ITIH6: variants seen among roughly 807,000 people sequenced by gnomAD.
The protein encoded by ITIH6 is inter-alpha-trypsin inhibitor heavy chain family member 6, also known as inter-alpha-trypsin inhibitor heavy chain H6.
A neutral mutation model predicts 58.2 loss-of-function variants in ITIH6; 60 were observed. The observed-to-expected ratio is 1.03, with a 90% CI of 0.84 to 1.28. The LOEUF (loss-of-function observed/expected upper bound fraction) is 1.28. Ranked by LOEUF, ITIH6 falls within the 50% of genes most tolerant of loss-of-function variation. ITIH6 has a pLI of 0.00. For missense variants in ITIH6, 1,290 were observed against 1,021.1 expected (o/e 1.26, Z -3.59); for synonymous variants, 493 against 417.4 (o/e 1.18, Z -2.21).
In ITIH6 at chrX:54,791,941, G is replaced by A. The variant is rs1219113986; in HGVS notation, c.353C>T (p.Ala118Val). Residue 118 changes from alanine (A) to valine (V), a missense_variant, in exon 3 of 13, where the codon GCT becomes GTT. By Grantham distance (64) the Ala-to-Val change is moderately conservative (BLOSUM62 0). Coordinates refer to ENST00000218436, the MANE Select transcript of ITIH6 (RefSeq NM_198510.3). ...GGGGCCTTACCTGATGCCTACATGA[G>A]CAGCTGTCTTTCCCTGCTGATGGGC... is the stretch of plus-strand genomic sequence containing the variant. ...EEAHQQGKTA[A>V]HVGIRDRESE... 99 of 1,167,227 alleles carry A rather than the reference G, an allele frequency of 8.5e-5. No individual in the cohort carries two copies. The highest frequency in any genetic ancestry group is 1.1e-4 in the Non-Finnish European group (95 of 856,294).
At chrX:54,773,677 C>T (rs778860720) in intron 6 of ITIH6, among the ~76,000 whole-genome samples, 1 of 108,632 alleles carries the variant, frequency 9.2e-6, no homozygotes, top group Non-Finnish European at 1.9e-5. Context: ...GTACTCTATA[C>T]TATTAGGCCT....
intron 5 of ITIH6, among the ~76,000 whole-genome samples, chrX:54,786,476 C>G (rs1237680524): frequency 8.9e-6 from 1 of 111,838 alleles, no homozygotes; most frequent in South Asian, 3.7e-4. Context: ...GACTCTCCAG[C>G]CTTCTATGTG....
In ITIH6 at chrX:54,796,970, G is replaced by T. The variant is rs919026206; in HGVS notation, c.229C>A (p.His77Asn). The change falls in exon 2 of 13, where the codon CAT (histidine) becomes AAT (asparagine). Residue 77 changes from histidine (H) to asparagine (N), a missense_variant. Transcript: ENST00000218436. ...GTGAAATTGGAGATAAAGGCAAGATGAGGCAGATCCAGGTCAAAGATGGCT... is the reference window on the plus strand; with the variant it reads ...GTGAAATTGGAGATAAAGGCAAGATTAGGCAGATCCAGGTCAAAGATGGCT... ...HEAIFDLDLP[H>N]LAFISNFTMT... 1 of 1,209,850 alleles carries T rather than the reference G, an allele frequency of 8.3e-7. No homozygotes were observed. The highest frequency in any genetic ancestry group is 1.1e-6 in the Non-Finnish European group (1 of 894,936).
chrX:54,758,573 A>G lies in ITIH6; in HGVS notation c.1501T>C (p.Ser501Pro). The G allele has an allele frequency of 8.3e-7, 1 of 1,210,912 alleles. No individual in the cohort carries two copies. Among genetic ancestry groups the G allele is most frequent in the Non-Finnish European group, 1.1e-6 (1 of 895,095 alleles). ...ACCTGTCCTGCCACCACCAGCTCAG[A>G]GCCACCAAAGTAGTTGGGGAAAACG... ...WAVFPNYFGG[S>P]ELVVAGQVQP... Residue 501 changes from serine (S) to proline (P), a missense_variant, in exon 8 of 13, where the codon TCT (serine) becomes CCT (proline). Physicochemically the swap from Ser to Pro is moderately conservative, Grantham distance 74. Coordinates refer to ENST00000218436, the MANE Select transcript of ITIH6 (RefSeq NM_198510.3).
At chrX:54,785,541 A>G (rs1358653210) in intron 5 of ITIH6, among the ~76,000 whole-genome samples, 1 of 110,679 alleles carries the variant, frequency 9.0e-6, no homozygotes, top group Non-Finnish European at 1.9e-5. Flanking sequence ...AACAAACCCA[A>G]TGTCTGTATT....
intron 6 of ITIH6, 46 bp from the exon 7 acceptor site, chrX:54,759,973 T>C (rs374712416): frequency 1.1e-5 from 12 of 1,063,192 alleles, no homozygotes; most frequent in Non-Finnish European, 1.5e-5. Flanking sequence ...AGACTTGAGG[T>C]CTATGAGATT....
chrX:54,788,561 C>G lies in ITIH6; in HGVS notation c.705G>C (p.Ser235=). 2 of 1,209,670 alleles carry G rather than the reference C, an allele frequency of 1.7e-6. No homozygotes were observed. The highest frequency in any genetic ancestry group is 2.2e-6 in the Non-Finnish European group (2 of 894,058). ...ITYCPTLQDQ[S]SISGSGIMAD... ...CCATGATGCCTGACCCAGAGATGGA[C>G]GACTGGTCTTGCAATGTCGGGCAGT... Residue 235 remains serine, a synonymous_variant, in exon 5 of 13, where the codon TCG becomes TCC. Transcript: ENST00000218436.
chrX:54,793,191 A>G (rs1435075710), intron 2 of ITIH6, among the ~76,000 whole-genome samples: 1 of 111,641 alleles, frequency 9.0e-6, no homozygotes, highest in Non-Finnish European at 1.9e-5. Flanking sequence ...CACAATGTGC[A>G]GGTTAGTTAC....
chrX:54,791,030 C>G lies in ITIH6; in HGVS notation c.423G>C (p.Glu141Asp). Reference sequence around the variant, plus strand: ...CCTCATAGGCCAGGGAAAAAGTCACCTCTGTGCCTGCTGCCAGGCTGGTGG... The same window carrying G: ...CCTCATAGGCCAGGGAAAAAGTCACGTCTGTGCCTGCTGCCAGGCTGGTGG... ...RISTSLAAGT[E>D]VTFSLAYEEL... Residue 141 changes from glutamate (E) to aspartate (D), a missense_variant, in exon 4 of 13, where the codon GAG becomes GAC. Transcript: ENST00000218436. The G allele has an allele frequency of 6.6e-6, 8 of 1,211,649 alleles. No homozygotes were observed. The highest frequency in any genetic ancestry group is 8.9e-6 in the Non-Finnish European group (8 of 895,249).
In ITIH6 at chrX:54,749,728, G is replaced by T; in HGVS notation, c.*167C>A. ...AGTCCCTGACTCTATGTCTCTGCAT[G>T]TCTATGTGTTTGTATACCCTTGTAT... is the stretch of plus-strand genomic sequence containing the variant. On this transcript the variant is annotated 3_prime_UTR_variant, in exon 13 of 13. Coordinates refer to ENST00000218436, the MANE Select transcript of ITIH6 (RefSeq NM_198510.3). 1 of 428,951 alleles carries T rather than the reference G, an allele frequency of 2.3e-6. No homozygotes were observed. The highest frequency in any genetic ancestry group is 4.1e-6 in the Non-Finnish European group (1 of 243,189). 35.4% of individuals were successfully genotyped at this position (428,951 alleles called of 1,213,427 possible). A position where few individuals can be genotyped will look rare whatever the true frequency, so the allele number is the denominator to read the frequency against.
chrX:54,772,247 A>C (rs1928967236), intron 6 of ITIH6, among the ~76,000 whole-genome samples: 1 of 112,641 alleles, frequency 8.9e-6, no homozygotes, highest in African/African-American at 3.2e-5. Flanking sequence ...TTAATGCAAG[A>C]GCAGAAAACC....
At chrX:54,763,218 A>C (rs1928690851) in intron 6 of ITIH6, among the ~76,000 whole-genome samples, 1 of 111,884 alleles carries the variant, frequency 8.9e-6, no homozygotes, top group African/African-American at 3.2e-5. Flanking sequence ...GAATGCTTCT[A>C]AGTGGATTAG....
At chrX:54,782,664 A>G (rs1369683551) in intron 5 of ITIH6, among the ~76,000 whole-genome samples, 1 of 111,930 alleles carries the variant, frequency 8.9e-6, no homozygotes, top group African/African-American at 3.2e-5. Flanking sequence ...ACATGAACAG[A>G]ACAATAACAT....
chrX:54,760,329 T>C (rs1467377874), intron 6 of ITIH6, among the ~76,000 whole-genome samples: 2 of 111,524 alleles, frequency 1.8e-5, no homozygotes, highest in Non-Finnish European at 3.8e-5. Flanking sequence ...ACACTGGTCA[T>C]CTAAAAGGTT....
In ITIH6 at chrX:54,758,114, G is replaced by T; in HGVS notation, c.1960C>A (p.Pro654Thr). The change falls in exon 8 of 13, where the codon CCC becomes ACC. Residue 654 changes from proline (P) to threonine (T), a missense_variant. Coordinates refer to ENST00000218436, the MANE Select transcript of ITIH6 (RefSeq NM_198510.3). ...CTTGATTTGGGGGAGATGACCTTGG[G>T]CACCAAGGCTGGCTGAGCTGTGCTT... Reference protein sequence around the residue: ...GVSTAQPALVPKVISPKSRPV... With the variant: ...GVSTAQPALVTKVISPKSRPV... The T allele has an allele frequency of 8.3e-7, 1 of 1,211,667 alleles. No homozygotes were observed. The highest frequency in any genetic ancestry group is 1.8e-5 in the South Asian group (1 of 56,991).
At chrX:54,794,193 G>T (rs956610928) in intron 2 of ITIH6, among the ~76,000 whole-genome samples, 2 of 110,338 alleles carry the variant, frequency 1.8e-5, no homozygotes, top group Admixed American at 9.6e-5. Context: ...GGTCTCCTGG[G>T]GGGTGAGGGG....
intron 6 of ITIH6, among the ~76,000 whole-genome samples, chrX:54,772,284 G>A (rs150762918): frequency 0.013 from 1,448 of 112,281 alleles, 32 homozygotes; most frequent in African/African-American, 0.044. Flanking sequence ...ACTTATCAGT[G>A]GGAGCTAAAC....
In ITIH6 at chrX:54,786,911, C is replaced by A. The variant is rs181196803; in HGVS notation, c.786+1569G>T. On this transcript the variant is annotated intron_variant, in intron 5 of 12. Transcript: ENST00000218436. ...AGTGAGCCCCAGCGGGGTGGATGAT[C>A]TGATGATGTGCTGGGCTTTGAACGA... 2.7e-5 allele frequency among the ~76,000 whole-genome samples: 3 copies of A among 111,511 alleles called. No homozygotes were observed. The Admixed American group carries it at 2.8e-4, about 11-fold the overall frequency.
intron 5 of ITIH6, chrX:54,787,712 G>A (rs1929267375): frequency 8.9e-6 from 1 of 111,859 alleles, no homozygotes; most frequent in African/African-American, 3.3e-5. Flanking sequence ...CAGTGTTTCA[G>A]GAACACGAGG....
Sources: allele counts gnomAD v4.1 joint callset (sites outside exome capture counted in the v4.1 genomes callset), GRCh38; gene constraint gnomAD v4.1.1; transcripts MANE v1.5; gene names NCBI Gene and HGNC (gene_info 2026-07-23, HGNC 2026-07-21).